The following TSPAN9 variants were observed in gnomAD, a reference collection of about 807,000 sequenced individuals.
TSPAN9 encodes tetraspanin 9.
Under a neutral mutation model 31.0 loss-of-function variants are expected in TSPAN9, and 16 were observed. That is an observed-to-expected ratio of 0.52 (90% CI 0.35 to 0.78). The LOEUF is 0.78. Among genes scored for constraint, TSPAN9 ranks in the 30% least tolerant of loss-of-function variants. The probability of loss-of-function intolerance (pLI) is 0.01; values close to 1 mark genes in which losing one functional copy is unlikely to be tolerated. For missense variants in TSPAN9, 272 were observed against 312.5 expected (o/e 0.87, Z 0.98); for synonymous variants, 145 against 121.6 (o/e 1.19, Z -1.27).
At chr12:3,243,281 G>A (rs1009790432) in intron 3 of TSPAN9, among the ~76,000 whole-genome samples, 7 of 152,164 alleles carry the variant, frequency 4.6e-5, no homozygotes, top group African/African-American at 1.7e-4. Flanking sequence ...CGCAGCCACT[G>A]TATGTGGAGT....
At position 3,280,376 on chromosome 12, in the gene TSPAN9, T is replaced by G; in HGVS notation, c.331-6T>G. On this transcript the variant is annotated splice_polypyrimidine_tract_variant and splice_region_variant and intron_variant, in intron 5 of 8. Coordinates refer to ENST00000011898, the MANE Select transcript of TSPAN9 (RefSeq NM_006675.5). The surrounding 1 kb of genome is among the most constrained non-coding windows in gnomAD (Gnocchi z 4.5). ...AACCGTCTCACTGTGTCCCTCCGCC[T>G]GGCAGGTGAACGAGAACGCCAAGAA... 6.2e-7 allele frequency: 1 copy of G among 1,607,918 alleles called. No individual in the cohort carries two copies. The highest frequency in any genetic ancestry group is 8.5e-7 in the Non-Finnish European group (1 of 1,175,790).
chr12:3,205,128 G>A (rs909675177), intron 3 of TSPAN9, among the ~76,000 whole-genome samples: 14 of 152,140 alleles, frequency 9.2e-5, no homozygotes, highest in African/African-American at 3.1e-4. Flanking sequence ...GGGTGGGGGC[G>A]GGGCTGGGGC....
intron 2 of TSPAN9, among the ~76,000 whole-genome samples, chr12:3,157,826 G>A (rs927429631): frequency 1.3e-5 from 2 of 152,184 alleles, no homozygotes; most frequent in Non-Finnish European, 2.9e-5. Flanking sequence ...TGTCCAGGAC[G>A]CATTTATGCC....
chr12:3,258,636 C>T (rs1330961771), intron 3 of TSPAN9, among the ~76,000 whole-genome samples: 2 of 152,136 alleles, frequency 1.3e-5, no homozygotes, highest in East Asian at 1.9e-4. Context: ...ACCAAGGCTG[C>T]AGGGAGCTTG....
At chr12:3,238,789 G>A (rs2098395119) in intron 3 of TSPAN9, among the ~76,000 whole-genome samples, 1 of 152,244 alleles carries the variant, frequency 6.6e-6, no homozygotes, top group Admixed American at 6.5e-5. Flanking sequence ...CAGATGCACC[G>A]TTTAGTGCTT....
intron 8 of TSPAN9, among the ~76,000 whole-genome samples, chr12:3,282,815 T>C (rs1232738920): frequency 6.6e-6 from 1 of 152,252 alleles, no homozygotes; most frequent in Non-Finnish European, 1.5e-5. Flanking sequence ...GTTCGATGGC[T>C]TCTGGTCTAA....
At chr12:3,163,116 T>C (rs2098346328) in intron 2 of TSPAN9, among the ~76,000 whole-genome samples, 1 of 152,220 alleles carries the variant, frequency 6.6e-6, no homozygotes, top group Non-Finnish European at 1.5e-5. Flanking sequence ...CAGCTCTCTG[T>C]GGAGTCCCCA....
At chr12:3,102,717 G>A (rs1330983961) in intron 2 of TSPAN9, among the ~76,000 whole-genome samples, 4 of 152,192 alleles carry the variant, frequency 2.6e-5, no homozygotes, top group African/African-American at 7.2e-5. Context: ...GATTACAGGC[G>A]TGAGCCACTG....
At chr12:3,237,406 C>T (rs1039057756) in intron 3 of TSPAN9, among the ~76,000 whole-genome samples, 3 of 152,210 alleles carry the variant, frequency 2.0e-5, no homozygotes, top group Non-Finnish European at 2.9e-5. Context: ...GTATTTCCCA[C>T]CTATTCTCCT....
intron 3 of TSPAN9, among the ~76,000 whole-genome samples, chr12:3,204,270 G>A (rs539737471): frequency 3.3e-5 from 5 of 152,280 alleles, no homozygotes; most frequent in South Asian, 2.1e-4. Flanking sequence ...ACACCACCCC[G>A]CCCCGTGCCT....
intron 3 of TSPAN9, chr12:3,206,530 T>C: frequency 4.0e-6 from 1 of 250,128 alleles, no homozygotes; most frequent in South Asian, 4.0e-5. Flanking sequence ...ACTCTCCTGC[T>C]CTGAAATGTT....
rs192855539 is a variant in TSPAN9 at position 3,264,910 on chromosome 12, C to T, written c.64-13511C>T. Among the ~76,000 whole-genome samples, 281 of 152,318 alleles carry T rather than the reference C, an allele frequency of 1.8e-3. 3 individuals are homozygous for T. Among genetic ancestry groups the T allele is most frequent in the African/African-American group, 2.3e-3 (97 of 41,554 alleles). On this transcript the variant is annotated intron_variant, in intron 3 of 8. Transcript: ENST00000011898. The stretch of plus-strand genomic sequence containing the variant: ...AAACGAGGGAACCTGGAACTTTAAC[C>T]GGGTCTACCTGGACCCAAGGCCAGA...
intron 2 of TSPAN9, among the ~76,000 whole-genome samples, chr12:3,101,976 T>C (rs2098312042): frequency 6.6e-6 from 1 of 152,120 alleles, no homozygotes; most frequent in Admixed American, 6.5e-5. Flanking sequence ...AGGGTCTTTC[T>C]TTTCCTCGGA....
intron 2 of TSPAN9, chr12:3,173,743 C>G (rs1018840432): frequency 6.6e-6 from 1 of 152,168 alleles, no homozygotes; most frequent in Non-Finnish European, 1.5e-5. Flanking sequence ...TCCTGTTCCT[C>G]GGCCTCCCAA....
intron 3 of TSPAN9, among the ~76,000 whole-genome samples, chr12:3,240,058 A>G (rs914423725): frequency 1.3e-5 from 2 of 151,824 alleles, no homozygotes; most frequent in African/African-American, 4.8e-5. Flanking sequence ...ATTGTGGAAA[A>G]TCTTAAACAT....
intron 3 of TSPAN9, among the ~76,000 whole-genome samples, chr12:3,266,160 C>T (rs1862531941): frequency 1.3e-5 from 2 of 152,092 alleles, no homozygotes; most frequent in South Asian, 2.1e-4. Flanking sequence ...AGAGTAGGGA[C>T]GTGTCTGGGT....
At chr12:3,095,622 C>T (rs1296158392) in intron 2 of TSPAN9, among the ~76,000 whole-genome samples, 3 of 98,370 alleles carry the variant, frequency 3.0e-5, no homozygotes, top group East Asian at 5.8e-4. Flanking sequence ...GCTGGCCGGG[C>T]GGAGGGCTGA....
chr12:3,177,464 G>T (rs540216519), intron 2 of TSPAN9, among the ~76,000 whole-genome samples: 8 of 152,158 alleles, frequency 5.3e-5, no homozygotes, highest in East Asian at 1.9e-4. Flanking sequence ...ATGGAGTCTC[G>T]CTCTGTTGCC....
At chr12:3,177,181 A>G (rs1046160067) in intron 2 of TSPAN9, among the ~76,000 whole-genome samples, 4 of 151,866 alleles carry the variant, frequency 2.6e-5, no homozygotes, top group African/African-American at 7.2e-5. Context: ...TCTGTTGCCC[A>G]GGCCGGACTG....
Sources: gnomAD v4.1 joint callset for allele counts (sites outside exome capture counted in the v4.1 genomes callset) on GRCh38, gnomAD v4.1.1 for gene constraint, Gnocchi (gnomAD v3.1) non-coding constraint, MANE v1.5 for transcripts, NCBI Gene and HGNC (gene_info 2026-07-23, HGNC 2026-07-21) for gene names.